The following GPC5 variants were observed in gnomAD, a reference collection of about 807,000 sequenced individuals.
GPC5 encodes the protein glypican 5, also known as glypican-5.
GPC5 carries 47 observed loss-of-function variants against 53.9 expected under a neutral mutation model. The ratio of observed to expected loss-of-function variants is 0.87; its 90% CI spans 0.69 to 1.11. The LOEUF (loss-of-function observed/expected upper bound fraction) is 1.11, where lower values mean the gene tolerates loss of function less well. Ranked by LOEUF, GPC5 falls within the 50% of genes most tolerant of loss-of-function variation. The pLI is 0.00. For synonymous variants in GPC5, 286 were observed against 263.3 expected, an observed-to-expected ratio of 1.09 and a Z score of -0.84; for missense variants, 748 against 713.1, an observed-to-expected ratio of 1.05 and a Z score of -0.56.
At chr13:92,643,957 A>C (rs1347751148) in intron 7 of GPC5, among the ~76,000 whole-genome samples, 3 of 152,244 alleles carry the variant, frequency 2.0e-5, no homozygotes, top group African/African-American at 7.2e-5. Context: ...TGTTTGTTAC[A>C]TGACTGGCCA....
chr13:92,778,610 A>G (rs927937199), intron 7 of GPC5, among the ~76,000 whole-genome samples: 1 of 152,204 alleles, frequency 6.6e-6, no homozygotes, highest in Non-Finnish European at 1.5e-5. Flanking sequence ...AGGAATGGTG[A>G]AATAGGGAGA....
intron 7 of GPC5, among the ~76,000 whole-genome samples, chr13:92,308,686 A>T (rs1358618803): frequency 6.6e-6 from 1 of 152,058 alleles, no homozygotes; most frequent in Non-Finnish European, 1.5e-5. Context: ...TATCTTTTCC[A>T]GTTCCTTGTG....
chr13:91,681,548 A>T (rs1200285723), intron 2 of GPC5, among the ~76,000 whole-genome samples: 1 of 152,174 alleles, frequency 6.6e-6, no homozygotes, highest in Admixed American at 6.5e-5. Flanking sequence ...ATTTAACTTC[A>T]CCTTCTTGTT....
chr13:91,827,315 A>T (rs1021360305), intron 5 of GPC5, among the ~76,000 whole-genome samples: 4 of 152,024 alleles, frequency 2.6e-5, no homozygotes, highest in Non-Finnish European at 5.9e-5. Flanking sequence ...TAACCAAAGC[A>T]TTAAAAATAC....
At chr13:91,749,765 T>C (rs1226087152) in intron 4 of GPC5, among the ~76,000 whole-genome samples, 1 of 152,262 alleles carries the variant, frequency 6.6e-6, no homozygotes, top group Admixed American at 6.5e-5. Flanking sequence ...TTTGACTTTT[T>C]AATAAAGACA....
chr13:92,463,122 C>T (rs1878560602), intron 7 of GPC5, among the ~76,000 whole-genome samples: 1 of 152,118 alleles, frequency 6.6e-6, no homozygotes, highest in African/African-American at 2.4e-5. Context: ...TTCACCAGAA[C>T]CTCACAGATG....
chr13:91,583,985 C>G (rs2032466731), intron 2 of GPC5, among the ~76,000 whole-genome samples: 1 of 152,062 alleles, frequency 6.6e-6, no homozygotes, highest in South Asian at 2.1e-4. Flanking sequence ...GAGATAGGGC[C>G]TGTAAAGAGC....
chr13:92,197,292 A>T (rs1482890060), intron 7 of GPC5, among the ~76,000 whole-genome samples: 1 of 152,196 alleles, frequency 6.6e-6, no homozygotes, highest in East Asian at 1.9e-4. Flanking sequence ...ATAGATACAG[A>T]TATAAATAAT....
intron 7 of GPC5, among the ~76,000 whole-genome samples, chr13:92,251,558 A>C (rs2042692839): frequency 6.6e-6 from 1 of 151,586 alleles, no homozygotes; most frequent in African/African-American, 2.4e-5. Context: ...TGCTCCCTAC[A>C]TGATCATGGG....
At chr13:92,475,057 A>T (rs1426552989) in intron 7 of GPC5, among the ~76,000 whole-genome samples, 2 of 152,128 alleles carry the variant, frequency 1.3e-5, no homozygotes, top group African/African-American at 4.8e-5. Context: ...ATAACCAGGA[A>T]GTATACTCAC....
At chr13:92,550,910 A>G (rs540245198) in intron 7 of GPC5, among the ~76,000 whole-genome samples, 1 of 151,964 alleles carries the variant, frequency 6.6e-6, no homozygotes, top group African/African-American at 2.4e-5. Context: ...TTTATTTTTA[A>G]GCTCATCTTT....
intron 7 of GPC5, among the ~76,000 whole-genome samples, chr13:92,558,338 A>G (rs1882571662): frequency 6.6e-6 from 1 of 152,052 alleles, no homozygotes; most frequent in African/African-American, 2.4e-5. Context: ...ATTTTCTAAT[A>G]AAAGAAACTA....
At chr13:92,359,072 T>A (rs372342074) in intron 7 of GPC5, among the ~76,000 whole-genome samples, 1 of 151,918 alleles carries the variant, frequency 6.6e-6, no homozygotes, top group South Asian at 2.1e-4. Flanking sequence ...TAAATATAAG[T>A]TTCAGTTTCA....
At chr13:91,733,844 G>A (rs959347931) in intron 4 of GPC5, among the ~76,000 whole-genome samples, 5 of 152,210 alleles carry the variant, frequency 3.3e-5, no homozygotes, top group Admixed American at 2.6e-4. Context: ...GATTGCCCCG[G>A]CCAGAACTTC....
chr13:91,588,584 T>C (rs1013081947), intron 2 of GPC5, among the ~76,000 whole-genome samples: 18 of 152,272 alleles, frequency 1.2e-4, no homozygotes, highest in Non-Finnish European at 2.2e-4. Context: ...ACTTTCTAAC[T>C]TAAAAATTAT....
In GPC5 at chr13:91,406,343, A is replaced by G. The variant is rs547438239; in HGVS notation, c.163+7134A>G. On this transcript the variant is annotated intron_variant, in intron 1 of 7. Coordinates refer to ENST00000377067, the MANE Select transcript of GPC5 (RefSeq NM_004466.6). ...ATCTCAGATTCTGCTTCTGTGTACA[A>G]TGATATTTTTTGTCTTGTGATGTTA... Among the ~76,000 whole-genome samples, 12 of 152,272 alleles carry G rather than the reference A, an allele frequency of 7.9e-5. No individual in the cohort carries two copies. In the South Asian group the frequency reaches 8.3e-4, roughly 11 times the overall value.
chr13:92,518,760 T>A (rs1035919500), intron 7 of GPC5, among the ~76,000 whole-genome samples: 2 of 152,076 alleles, frequency 1.3e-5, no homozygotes, highest in African/African-American at 2.4e-5. Flanking sequence ...AATGACAGGA[T>A]CAAATTCACA....
At chr13:91,713,568 G>A (rs147408925) in intron 3 of GPC5, among the ~76,000 whole-genome samples, 1 of 152,060 alleles carries the variant, frequency 6.6e-6, no homozygotes, top group Non-Finnish European at 1.5e-5. Context: ...ACATCAGCCT[G>A]GTAGAAATTG....
chr13:92,126,192 A>G (rs2041695936), intron 6 of GPC5, among the ~76,000 whole-genome samples: 1 of 151,860 alleles, frequency 6.6e-6, no homozygotes, highest in African/African-American at 2.4e-5. Context: ...TGACCTTGCG[A>G]TCCACCCGCC....
Sources: allele counts gnomAD v4.1 joint callset (sites outside exome capture counted in the v4.1 genomes callset), GRCh38; gene constraint gnomAD v4.1.1; transcripts MANE v1.5; gene names NCBI Gene and HGNC (gene_info 2026-07-23, HGNC 2026-07-21).